Variants in SRI observed in about 807,000 individuals in gnomAD.
The protein encoded by SRI is sorcin.
SRI carries 30 observed loss-of-function variants against 33.3 expected under a neutral mutation model. The ratio of observed to expected loss-of-function variants is 0.90; its 90% CI spans 0.67 to 1.22. The LOEUF is 1.22. SRI is among the 50% of genes most tolerant of loss of function. The pLI is 0.00. For missense variants in SRI, 243 were observed against 250.8 expected, an observed-to-expected ratio of 0.97 and a Z score of 0.21; for synonymous variants, 75 against 89.9, an observed-to-expected ratio of 0.83 and a Z score of 0.94.
upstream of SRI, among the ~76,000 whole-genome samples, chr7:88,223,571 C>A (rs770209164): frequency 5.3e-5 from 8 of 152,128 alleles, no homozygotes; most frequent in Non-Finnish European, 1.0e-4. Flanking sequence ...CCACAAGTAT[C>A]CATAGACAAT....
intron 1 of SRI, 68 bp downstream of exon 1, chr7:88,219,908 C>A: frequency 6.6e-7 from 1 of 1,515,058 alleles, no homozygotes; most frequent in Non-Finnish European, 8.9e-7. Context: ...CTGGCCGCAG[C>A]ATCTCCAAGG....
Position 88,206,239 on chromosome 7 carries a change from A to C in SRI, c.*239T>G. On this transcript the variant is annotated 3_prime_UTR_variant, in exon 8 of 8. Transcript: ENST00000265729. ...AGTTTTAGCAAGAAAATAAGGCATG[A>C]CTGATAATGGCTCAGGAAAGTTCTA... The C allele has an allele frequency of 3.6e-6, 2 of 558,946 alleles. No individual in the cohort carries two copies. The highest frequency in any genetic ancestry group is 6.4e-6 in the Non-Finnish European group (2 of 312,760). 34.6% of individuals were successfully genotyped at this position (558,946 alleles called of 1,614,324 possible). A position where few individuals can be genotyped will look rare whatever the true frequency, so the allele number is the denominator to read the frequency against.
At position 88,205,311 on chromosome 7, in the gene SRI, T is replaced by C. The variant is rs1305614885; in HGVS notation, c.*1167A>G. On this transcript the variant is annotated 3_prime_UTR_variant, in exon 8 of 8. Transcript: ENST00000265729. ...GTTTTAAATTTAAGAAACAGAAACA[T>C]TGTCAGTGCTTCTTGTATCAACACA... The C allele has an allele frequency of 6.6e-6, 1 of 152,142 alleles. No individual in the cohort carries two copies. The highest frequency in any genetic ancestry group is 6.5e-5 in the Admixed American group (1 of 15,268). 9.4% of individuals were successfully genotyped at this position (152,142 alleles called of 1,614,324 possible).
chr7:88,224,856 A>C (rs1364808779), upstream of SRI, among the ~76,000 whole-genome samples: 1 of 152,248 alleles, frequency 6.6e-6, no homozygotes, highest in African/African-American at 2.4e-5. Context: ...GAAATGTTTG[A>C]TAACTATGCC....
At chr7:88,223,414 C>A (rs1372456863), upstream of SRI, among the ~76,000 whole-genome samples, 1 of 152,146 alleles carries the variant, frequency 6.6e-6, no homozygotes, top group African/African-American at 2.4e-5. Flanking sequence ...GTGCTCTACA[C>A]CCAGGGGCAG....
At position 88,206,242 on chromosome 7, in the gene SRI, G is replaced by A. The variant is rs1851437351; in HGVS notation, c.*236C>T. The A allele has an allele frequency of 1.8e-6, 1 of 562,928 alleles. No individual in the cohort carries two copies. The highest frequency in any genetic ancestry group is 1.9e-5 in the African/African-American group (1 of 53,134). The allele number at this position is 562,928 out of a possible 1,614,324, so 34.9% of individuals were successfully genotyped here. On this transcript the variant is annotated 3_prime_UTR_variant, in exon 8 of 8. Coordinates refer to ENST00000265729, the MANE Select transcript of SRI (RefSeq NM_003130.4). ...TTTAGCAAGAAAATAAGGCATGACT[G>A]ATAATGGCTCAGGAAAGTTCTAAAT...
At chr7:88,208,437 A>G (rs1851485819) in intron 7 of SRI, 70 bp downstream of exon 7, 1 of 1,590,754 alleles carries the variant, frequency 6.3e-7, no homozygotes, top group Non-Finnish European at 8.6e-7. Flanking sequence ...CTTAACAGCT[A>G]ATTTCAAAGG....
exon 1 of SRI, chr7:88,226,916 T>G (rs1338176010): frequency 6.2e-7 from 1 of 1,613,616 alleles, no homozygotes; most frequent in Non-Finnish European, 8.5e-7. Context: ...TGCCTGCATC[T>G]TGAGTTGAAG....
At chr7:88,210,972 T>C in intron 3 of SRI, 47 bp from the exon 4 acceptor site, 1 of 1,425,244 alleles carries the variant, frequency 7.0e-7, no homozygotes, top group Non-Finnish European at 9.9e-7. Flanking sequence ...AATCCAAAAA[T>C]TCACATTACA....
At position 88,226,965 on chromosome 7, in the gene SRI, T is replaced by G. The variant is rs1179580603; in HGVS notation, c.-51A>C. ...AGCTGGTGATCCTTAGAGGATTGCC[T>G]TCTTGCAGAGTGGCCAAATAGAAGA... On this transcript the variant is annotated 5_prime_UTR_variant, in exon 1 of 8. Coordinates refer to the SRI transcript ENST00000394641. 15 of 1,612,450 alleles carry G rather than the reference T, an allele frequency of 9.3e-6. No individual in the cohort carries two copies. In the East Asian group the frequency reaches 3.3e-4, roughly 36 times the overall value.
chr7:88,224,291 G>C (rs560264864), upstream of SRI, among the ~76,000 whole-genome samples: 5 of 152,302 alleles, frequency 3.3e-5, no homozygotes, highest in Admixed American at 2.0e-4. Context: ...TTAATATAAA[G>C]CTCTACATAT....
chr7:88,212,438 C>T (rs1342725645), intron 3 of SRI, among the ~76,000 whole-genome samples: 1 of 152,190 alleles, frequency 6.6e-6, no homozygotes, highest in African/African-American at 2.4e-5. Context: ...GTTCTCCACA[C>T]TTGTGCTTAT....
At chr7:88,212,940 G>C in intron 3 of SRI, among the ~76,000 whole-genome samples, 1 of 152,188 alleles carries the variant, frequency 6.6e-6, no homozygotes, top group Non-Finnish European at 1.5e-5. Flanking sequence ...AGAGCCAACT[G>C]TGTTGGGCTC....
At chr7:88,218,542 A>G (rs553261941) in intron 2 of SRI, among the ~76,000 whole-genome samples, 2 of 152,348 alleles carry the variant, frequency 1.3e-5, no homozygotes, top group East Asian at 3.9e-4. Flanking sequence ...AATTACTAAT[A>G]TATGTCTTTA....
intron 2 of SRI, among the ~76,000 whole-genome samples, chr7:88,218,458 A>G (rs745600087): frequency 6.6e-6 from 1 of 152,242 alleles, no homozygotes; most frequent in Non-Finnish European, 1.5e-5. Context: ...GGTTTTTACC[A>G]TATTTCCTAA....
chr7:88,220,738 A>G (rs577993216), upstream of SRI, among the ~76,000 whole-genome samples: 2 of 152,346 alleles, frequency 1.3e-5, no homozygotes, highest in East Asian at 3.9e-4. Flanking sequence ...ACTCACACAT[A>G]TCGTTCTTAG....
Position 88,210,082 on chromosome 7 carries a change from C to T in SRI, c.298G>A (p.Ala100Thr). The T allele has an allele frequency of 8.1e-6, 13 of 1,614,142 alleles. No individual in the cohort carries two copies. Among genetic ancestry groups the T allele is most frequent in the Non-Finnish European group, 1.0e-5 (12 of 1,180,016 alleles). ...MGFNEFKELW[A>T]VLNGWRQHFI... Reference sequence around the variant, plus strand: ...TGTTGTCTCCAGCCATTCAGTACAGCCCAGAGTTCTTTAAATTCATTGAAA... The same window carrying T: ...TGTTGTCTCCAGCCATTCAGTACAGTCCAGAGTTCTTTAAATTCATTGAAA... Residue 100 changes from alanine to threonine, a missense_variant, in exon 5 of 8, where the codon GCT becomes ACT. Physicochemically the swap from Ala to Thr is moderately conservative, Grantham distance 58 (BLOSUM62 0). Transcript: ENST00000265729.
intron 7 of SRI, chr7:88,207,978 A>C (rs1450834504): frequency 6.7e-6 from 1 of 149,178 alleles, no homozygotes; most frequent in Non-Finnish European, 1.5e-5. Context: ...ACAGAGCGAG[A>C]CTCCATCTCA....
chr7:88,209,440 C>T lies in SRI; in HGVS notation c.410G>A (p.Ser137Asn), dbSNP rs1851515768. 6.2e-7 allele frequency: 1 copy of T among 1,613,570 alleles called. No individual in the cohort carries two copies. The highest frequency in any genetic ancestry group is 8.5e-7 in the Non-Finnish European group (1 of 1,179,702). ...TGCAATTGAATTCACAGCCTGGGGA[C>T]TCAACCTAAATCCTAAAAGAAAAGC... is the stretch of plus-strand genomic sequence containing the variant. Reference protein sequence around the residue: ...KALTTMGFRLSPQAVNSIAKR... With the variant: ...KALTTMGFRLNPQAVNSIAKR... The change falls in exon 6 of 8, where the codon AGT becomes AAT. Residue 137 changes from serine (S) to asparagine (N), a missense_variant. By Grantham distance (46) the Ser-to-Asn change is conservative (BLOSUM62 1). Coordinates refer to ENST00000265729, the MANE Select transcript of SRI (RefSeq NM_003130.4).
Sources: gnomAD v4.1 joint callset for allele counts (sites outside exome capture counted in the v4.1 genomes callset) on GRCh38, gnomAD v4.1.1 for gene constraint, MANE v1.5 for transcripts, NCBI Gene and HGNC (gene_info 2026-07-23, HGNC 2026-07-21) for gene names.